The following INVS variants were observed in gnomAD, a reference collection of about 807,000 sequenced individuals.
INVS encodes the protein inversion of embryo turning homolog.
INVS carries 86 observed loss-of-function variants against 108.8 expected under a neutral mutation model. The observed-to-expected ratio is 0.79, with a 90% CI of 0.66 to 0.95. INVS has a LOEUF of 0.95. Among genes scored for constraint, INVS ranks in the 40% least tolerant of loss-of-function variants. The pLI, the probability that INVS is intolerant of heterozygous loss-of-function variation, is 0.00. For synonymous variants in INVS, 455 were observed against 473.5 expected (o/e 0.96, Z 0.51); for missense variants, 1,169 against 1,297.4 (o/e 0.90, Z 1.52).
chr9:100,101,103 A>G (rs1826975342), intron 1 of INVS, among the ~76,000 whole-genome samples: 1 of 134,746 alleles, frequency 7.4e-6, no homozygotes, highest in Non-Finnish European at 1.5e-5. Flanking sequence ...TAAAACAGAG[A>G]TCACATTTTT....
rs1166667492 is a variant in INVS at position 100,242,603 on chromosome 9, GA to G, written c.833del (p.Asn278IlefsTer32). The G allele has an allele frequency of 1.2e-6, 2 of 1,611,060 alleles. No homozygotes were observed. The highest frequency in any genetic ancestry group is 3.3e-5 in the Admixed American group (2 of 59,980). ...HAQIVHLLLE[R>X]NKSGTIPSDS... Reference sequence around the variant, plus strand: ...CAGATTGTCCATCTCCTTTTAGAAAGAAATAAGTCTGGAACTATCCCATCTG... The same window carrying G: ...CAGATTGTCCATCTCCTTTTAGAAAGAATAAGTCTGGAACTATCCCATCTG... On this transcript the variant is annotated frameshift_variant, in exon 7 of 17. Transcript: ENST00000262457. LOFTEE classifies it high-confidence loss of function.
intron 3 of INVS, among the ~76,000 whole-genome samples, chr9:100,183,871 T>G (rs188643877): frequency 6.6e-6 from 1 of 151,706 alleles, no homozygotes; most frequent in East Asian, 1.9e-4. Context: ...TTTCTTAATT[T>G]CTTTAAAATT....
chr9:100,106,505 C>CTT (rs1159554179), intron 2 of INVS, among the ~76,000 whole-genome samples: 1 of 152,212 alleles, frequency 6.6e-6, no homozygotes, highest in Non-Finnish European at 1.5e-5. Flanking sequence ...ACAGGCTAAA[C>CTT]TGCTACAACC....
At position 100,100,983 on chromosome 9, in the gene INVS, AAT is replaced by A. The variant is rs1192897635; in HGVS notation, c.-25+1574_-25+1575del. 8.1e-4 allele frequency among the ~76,000 whole-genome samples: 59 copies of A among 72,752 alleles called. 4 individuals are homozygous for A. Among genetic ancestry groups the A allele is most frequent in the African/African-American group, 3.6e-3 (50 of 13,936 alleles). The allele number at this position is 72,752 out of a possible 152,430, so 47.7% of individuals were successfully genotyped here. A position where few individuals can be genotyped will look rare whatever the true frequency, so the allele number is the denominator to read the frequency against. On this transcript the variant is annotated intron_variant, in intron 1 of 16. Transcript: ENST00000262457. ...TATATATAATATATATTATATATATAATATATATGTATATATAATATATATAT... is the reference window on the plus strand; with the variant it reads ...TATATATAATATATATTATATATATAATATATGTATATATAATATATATAT...
intron 3 of INVS, among the ~76,000 whole-genome samples, chr9:100,155,779 C>T (rs941839615): frequency 2.0e-5 from 3 of 152,116 alleles, no homozygotes; most frequent in African/African-American, 4.8e-5. Flanking sequence ...TATCTTGACA[C>T]AACACAAATA....
chr9:100,190,864 T>C (rs1458753822), intron 3 of INVS, among the ~76,000 whole-genome samples: 1 of 149,352 alleles, frequency 6.7e-6, no homozygotes, highest in East Asian at 1.9e-4. Flanking sequence ...TTTTGTTTTC[T>C]TTTTTTTTTC....
intron 3 of INVS, among the ~76,000 whole-genome samples, chr9:100,181,683 A>G (rs1051101959): frequency 1.3e-5 from 2 of 152,208 alleles, no homozygotes; most frequent in South Asian, 2.1e-4. Context: ...GAAAATGGCC[A>G]TACTGCCCAA....
intron 3 of INVS, among the ~76,000 whole-genome samples, chr9:100,193,214 G>T (rs1830277300): frequency 6.6e-6 from 1 of 151,958 alleles, no homozygotes; most frequent in East Asian, 1.9e-4. Context: ...TGCTGGCCAT[G>T]AACAATTCTC....
intron 3 of INVS, among the ~76,000 whole-genome samples, chr9:100,182,329 A>C (rs529571899): frequency 4.3e-4 from 65 of 152,216 alleles, no homozygotes; most frequent in Non-Finnish European, 6.8e-4. Flanking sequence ...TGAACAGGCA[A>C]CCTATAAAAT....
intron 3 of INVS, among the ~76,000 whole-genome samples, chr9:100,138,267 G>A (rs558328997): frequency 2.6e-5 from 4 of 152,098 alleles, no homozygotes; most frequent in South Asian, 2.1e-4. Context: ...TTAGCTGGGC[G>A]TGGTGGCACG....
chr9:100,140,109 C>T (rs937116148), intron 3 of INVS, among the ~76,000 whole-genome samples: 1 of 152,204 alleles, frequency 6.6e-6, no homozygotes, highest in African/African-American at 2.4e-5. Context: ...CCCCTGGCAA[C>T]CACCAGTATG....
In INVS at chr9:100,297,097, C is replaced by T; in HGVS notation, c.2967C>T (p.Gly989=). The change falls in exon 15 of 17, where the codon GGC becomes GGT. Residue 989 remains glycine (G), a synonymous_variant. Transcript: ENST00000262457. ...AGGCCCCCAAGAGTCCATCCAAGGGCACCTCAGGCACAAAGTCCACCAAGC... is the reference window on the plus strand; with the variant it reads ...AGGCCCCCAAGAGTCCATCCAAGGGTACCTCAGGCACAAAGTCCACCAAGC... ...VSKAPKSPSK[G]TSGTKSTKHS... is the part of the protein sequence containing the mutation. 6 of 1,614,038 alleles carry T rather than the reference C, an allele frequency of 3.7e-6. No homozygotes were observed. The highest frequency in any genetic ancestry group is 5.1e-6 in the Non-Finnish European group (6 of 1,179,986).
At chr9:100,146,522 A>G (rs541697135) in intron 3 of INVS, among the ~76,000 whole-genome samples, 5 of 152,304 alleles carry the variant, frequency 3.3e-5, no homozygotes, top group East Asian at 3.9e-4. Context: ...GAGGCCTGAC[A>G]CTTTGTGTCT....
At chr9:100,246,046 G>A (rs1342814108) in intron 7 of INVS, among the ~76,000 whole-genome samples, 1 of 151,854 alleles carries the variant, frequency 6.6e-6, no homozygotes, top group Non-Finnish European at 1.5e-5. Context: ...TCAGCTACTT[G>A]GGAGGCTGAG....
At chr9:100,125,209 C>G (rs947470764) in intron 2 of INVS, among the ~76,000 whole-genome samples, 2 of 152,216 alleles carry the variant, frequency 1.3e-5, no homozygotes, top group Non-Finnish European at 2.9e-5. Context: ...TACCTCATTG[C>G]TATCCTTTGC....
rs1306699220 is a variant in INVS at position 100,253,748 on chromosome 9, CT to C, written c.1464+620del. 8.6e-5 allele frequency among the ~76,000 whole-genome samples: 13 copies of C among 151,954 alleles called. No homozygotes were observed. The East Asian group carries it at 1.7e-3, about 20-fold the overall frequency. On this transcript the variant is annotated intron_variant, in intron 10 of 16. Coordinates refer to ENST00000262457, the MANE Select transcript of INVS (RefSeq NM_014425.5). ...GTCCCTACAAAGGACATGAACTCAT[CT>C]TTTTTTTGTGGCTGCATAGTATTCC...
chr9:100,145,646 A>G (rs954003530), intron 3 of INVS, among the ~76,000 whole-genome samples: 1 of 152,070 alleles, frequency 6.6e-6, no homozygotes, highest in African/African-American at 2.4e-5. Flanking sequence ...CTTGCCCCCC[A>G]GAAAAGCAGT....
At chr9:100,258,845 C>T (rs1291338969) in intron 10 of INVS, among the ~76,000 whole-genome samples, 2 of 152,198 alleles carry the variant, frequency 1.3e-5, no homozygotes, top group African/African-American at 4.8e-5. Context: ...GATGTCTCCC[C>T]GTTAGGCTAT....
chr9:100,119,888 T>C (rs1827671393), intron 2 of INVS, among the ~76,000 whole-genome samples: 1 of 152,254 alleles, frequency 6.6e-6, no homozygotes, highest in Non-Finnish European at 1.5e-5. Flanking sequence ...GTACTTAATA[T>C]GTCAACCTTA....
Sources: allele counts gnomAD v4.1 joint callset (sites outside exome capture counted in the v4.1 genomes callset), GRCh38; gene constraint gnomAD v4.1.1; transcripts MANE v1.5; gene names NCBI Gene and HGNC (gene_info 2026-07-23, HGNC 2026-07-21).